SOX6: variants seen among roughly 807,000 people sequenced by gnomAD.
SOX6 encodes SRY-box transcription factor 6, also known as transcription factor SOX-6.
A neutral mutation model predicts 97.8 loss-of-function variants in SOX6; 11 were observed. The observed-to-expected ratio is 0.11, with a 90% CI of 0.07 to 0.19. SOX6 has a LOEUF of 0.19. SOX6 is among the 10% of genes least tolerant of loss of function. The pLI is 1.00. For synonymous variants in SOX6, 360 were observed against 371.4 expected (o/e 0.97, Z 0.35); for missense variants, 810 against 1,039.5 (o/e 0.78, Z 3.04).
chr11:16,079,976 A>C (rs1475321759), intron 9 of SOX6, among the ~76,000 whole-genome samples: 1 of 148,616 alleles, frequency 6.7e-6, no homozygotes, highest in Non-Finnish European at 1.5e-5. Flanking sequence ...TAGATATGAT[A>C]CTGATATACA....
intron 13 of SOX6, among the ~76,000 whole-genome samples, chr11:16,012,238 T>C (rs1477472578): frequency 6.6e-6 from 1 of 152,092 alleles, no homozygotes; most frequent in Non-Finnish European, 1.5e-5. Flanking sequence ...GTACCTGTTA[T>C]CTACTCTGAC....
At chr11:16,320,534 G>A (rs144479797) in intron 2 of SOX6, among the ~76,000 whole-genome samples, 13 of 152,126 alleles carry the variant, frequency 8.5e-5, no homozygotes, top group Middle Eastern at 3.4e-3. Flanking sequence ...AAGGCACCAC[G>A]GCATAGTGCT....
chr11:16,673,192 A>G lies in SOX6; in HGVS notation n.429+41638T>C, dbSNP rs998456682. ...GAGAAAAACTTCAAATAACCTAACA[A>G]TGTGTCTTAAAGAATTAGAAAAGCA... On this transcript the variant is annotated intron_variant and non_coding_transcript_variant, in intron 3 of 5. Coordinates refer to the SOX6 transcript ENST00000524520. Among the ~76,000 whole-genome samples the G allele has an allele frequency of 1.9e-4, 29 of 152,194 alleles. 1 individual carries two copies. The highest frequency in any genetic ancestry group is 2.9e-5 in the Non-Finnish European group (2 of 68,030).
chr11:16,189,977 C>A (rs956292462), intron 4 of SOX6, among the ~76,000 whole-genome samples: 2 of 152,100 alleles, frequency 1.3e-5, no homozygotes, highest in Non-Finnish European at 2.9e-5. Flanking sequence ...AACAATCTTT[C>A]AATCATCTTC....
chr11:16,608,928 T>C (rs1267598796), intron 4 of SOX6, among the ~76,000 whole-genome samples: 1 of 152,178 alleles, frequency 6.6e-6, no homozygotes, highest in Non-Finnish European at 1.5e-5. Context: ...ACAGTTTCAG[T>C]CACCCAGGAT....
In SOX6 at chr11:16,341,383, C is replaced by G. The variant is rs1056607358; in HGVS notation, c.-4-131G>C. ...AGAGATATTTGTGGTCCACTCTAAACCCCTGAAAAAGAACTCCTGGCTTAT... is the reference window on the plus strand; with the variant it reads ...AGAGATATTTGTGGTCCACTCTAAAGCCCTGAAAAAGAACTCCTGGCTTAT... On this transcript the variant is annotated intron_variant, in intron 1 of 15. Transcript: ENST00000683767. 10 of 1,329,176 alleles carry G rather than the reference C, an allele frequency of 7.5e-6. No individual in the cohort carries two copies. In the African/African-American group the frequency reaches 1.0e-4, roughly 14 times the overall value. 82.3% of individuals were successfully genotyped at this position (1,329,176 alleles called of 1,614,324 possible). A position where few individuals can be genotyped will look rare whatever the true frequency, so the allele number is the denominator to read the frequency against.
At chr11:16,285,961 G>T (rs183349433) in intron 3 of SOX6, among the ~76,000 whole-genome samples, 2 of 152,090 alleles carry the variant, frequency 1.3e-5, no homozygotes, top group Non-Finnish European at 2.9e-5. Context: ...ATTTGGCATA[G>T]AAAAATAAAA....
At chr11:16,118,210 A>G (rs1181988144) in intron 6 of SOX6, among the ~76,000 whole-genome samples, 4 of 152,242 alleles carry the variant, frequency 2.6e-5, no homozygotes, top group South Asian at 2.1e-4. Flanking sequence ...GGTGAAGCTT[A>G]GTGTATCATG....
At chr11:16,433,454 C>A (rs1379220729) in intron 1 of SOX6, among the ~76,000 whole-genome samples, 4 of 152,032 alleles carry the variant, frequency 2.6e-5, no homozygotes, top group Non-Finnish European at 5.9e-5. Flanking sequence ...TATTAAAAGA[C>A]CTTATTAGGT....
At chr11:16,108,039 C>T (rs931450197) in intron 7 of SOX6, among the ~76,000 whole-genome samples, 10 of 152,090 alleles carry the variant, frequency 6.6e-5, no homozygotes, top group African/African-American at 1.7e-4. Flanking sequence ...TTAATTTTCA[C>T]GTCCACGTTG....
chr11:16,135,561 T>C (rs2134029523), intron 6 of SOX6, among the ~76,000 whole-genome samples: 1 of 152,306 alleles, frequency 6.6e-6, no homozygotes, highest in Non-Finnish European at 1.5e-5. Flanking sequence ...GTTGCAGATA[T>C]GGTGGAAACA....
intron 4 of SOX6, among the ~76,000 whole-genome samples, chr11:16,552,109 A>T (rs1411458241): frequency 1.3e-5 from 2 of 152,040 alleles, no homozygotes; most frequent in African/African-American, 4.8e-5. Flanking sequence ...ACAGACAACC[A>T]CTATAGTAAT....
intron 4 of SOX6, among the ~76,000 whole-genome samples, chr11:16,503,525 A>C (rs1442569172): frequency 6.6e-6 from 1 of 152,236 alleles, no homozygotes; most frequent in Non-Finnish European, 1.5e-5. Flanking sequence ...ATATAGCCCA[A>C]GTATATGCTG....
intron 4 of SOX6, among the ~76,000 whole-genome samples, chr11:16,556,165 C>T (rs924530076): frequency 2.0e-5 from 3 of 151,538 alleles, no homozygotes; most frequent in African/African-American, 2.4e-5. Context: ...GTTGCCAGAA[C>T]GGCTGGAGAT....
intron 1 of SOX6, among the ~76,000 whole-genome samples, chr11:16,371,287 C>G (rs1857488643): frequency 6.6e-6 from 1 of 151,958 alleles, no homozygotes; most frequent in Non-Finnish European, 1.5e-5. Context: ...CTGCATGGTT[C>G]CCTTTCTCTT....
rs1848354781 is a variant in SOX6, at chr11:16,607,945, A to C, written n.609+4136T>G. Among the ~76,000 whole-genome samples, 1 of 151,978 alleles carries C rather than the reference A, an allele frequency of 6.6e-6. No homozygotes were observed. The highest frequency in any genetic ancestry group is 2.4e-5 in the African/African-American group (1 of 41,342). On this transcript the variant is annotated intron_variant and non_coding_transcript_variant, in intron 4 of 5. Transcript: ENST00000524520. The surrounding 1 kb of genome is among the most constrained non-coding windows in gnomAD (Gnocchi z 6.5). ...GCAAAGGCAAGAGAGAGCCGCAAAG[A>C]GAGAGGAGGGCAGAGACATCGGCGA...
In SOX6 at chr11:16,381,712, A is replaced by C. The variant is rs549664697; in HGVS notation, c.-4-40460T>G. 4.6e-5 allele frequency among the ~76,000 whole-genome samples: 7 copies of C among 152,064 alleles called. No homozygotes were observed. In the South Asian group the frequency reaches 1.4e-3, roughly 31 times the overall value. ...TGCTTGAAACCTTTTCTTTTTCAGT[A>C]CAAAATTCTAGTCTCACACATCATC... is the stretch of plus-strand genomic sequence containing the variant. On this transcript the variant is annotated intron_variant, in intron 1 of 15. Transcript: ENST00000396356.
chr11:16,365,294 T>TGTGTGC (rs1490678466), intron 1 of SOX6, among the ~76,000 whole-genome samples: 3 of 151,482 alleles, frequency 2.0e-5, no homozygotes, highest in Non-Finnish European at 4.4e-5. Context: ...ACTGTGTGTG[T>TGTGTGC]GTGTGTGTGT....
At chr11:16,058,309 T>C (rs1159843168) in intron 9 of SOX6, among the ~76,000 whole-genome samples, 1 of 151,996 alleles carries the variant, frequency 6.6e-6, no homozygotes, top group East Asian at 1.9e-4. Context: ...TTGACAATAT[T>C]AATTATAGAT....
Sources: allele counts gnomAD v4.1 joint callset (sites outside exome capture counted in the v4.1 genomes callset), GRCh38; gene constraint gnomAD v4.1.1; non-coding constraint Gnocchi (gnomAD v3.1); transcripts MANE v1.5; gene names NCBI Gene and HGNC (gene_info 2026-07-23, HGNC 2026-07-21).